The following ERCC6 variants were observed in gnomAD, a reference collection of about 807,000 sequenced individuals.
ERCC6 encodes the protein ERCC excision repair 6, chromatin remodeling factor.
A neutral mutation model predicts 158.7 loss-of-function variants in ERCC6; 116 were observed. That is an observed-to-expected ratio of 0.73 (90% CI 0.63 to 0.85). The LOEUF is 0.85. ERCC6 is among the 40% of genes least tolerant of loss of function. The pLI, the probability that ERCC6 is intolerant of heterozygous loss-of-function variation, is 0.00. For synonymous variants in ERCC6, 678 were observed against 659.3 expected, an observed-to-expected ratio of 1.03 and a Z score of -0.43; for missense variants, 1,698 against 1,799.4, an observed-to-expected ratio of 0.94 and a Z score of 1.02.
intron 8 of ERCC6, among the ~76,000 whole-genome samples, chr10:49,491,772 A>T (rs1421799031): frequency 6.6e-6 from 1 of 152,228 alleles, no homozygotes; most frequent in African/African-American, 2.4e-5. Context: ...ACATTTTTTT[A>T]AATTGCCTTT....
intron 8 of ERCC6, among the ~76,000 whole-genome samples, chr10:49,485,368 A>T (rs1453341225): frequency 6.6e-6 from 1 of 152,226 alleles, no homozygotes; most frequent in Non-Finnish European, 1.5e-5. Context: ...CTCCTACTAA[A>T]ATATAAAAGA....
At chr10:49,488,788 CT>C (rs929530175) in intron 8 of ERCC6, among the ~76,000 whole-genome samples, 10 of 151,668 alleles carry the variant, frequency 6.6e-5, no homozygotes, top group African/African-American at 2.4e-4. Flanking sequence ...GTGTTATTTG[CT>C]TTTTTTCTTT....
At position 49,454,490 on chromosome 10, in the gene ERCC6, C is replaced by T. The variant is rs75139617; in HGVS notation, c.*4325G>A. On this transcript the variant is annotated 3_prime_UTR_variant, in exon 21 of 21. Transcript: ENST00000355832. ...CAAGATTTGGATTTTCTTGAATAAG[C>T]GTTACTTTATTCTACATGCTTTTAG... 0.015 allele frequency among the ~76,000 whole-genome samples: 2,228 copies of T among 152,236 alleles called. 46 individuals carry two copies. Among genetic ancestry groups the T allele is most frequent in the African/African-American group, 0.049 (2,047 of 41,542 alleles).
chr10:49,447,822 T>C, the ERCC6 span, among the ~76,000 whole-genome samples: 131 of 152,350 alleles, frequency 8.6e-4, 2 homozygotes, highest in South Asian at 1.0e-3. Flanking sequence ...ATATAAATGG[T>C]ATCATACAAT....
intron 5 of ERCC6, among the ~76,000 whole-genome samples, chr10:49,512,899 T>G (rs1428097510): frequency 6.6e-6 from 1 of 152,254 alleles, no homozygotes. Flanking sequence ...TTTTGGATTT[T>G]CGGACTAGGG....
intron 12 of ERCC6, 88 bp from the exon 13 acceptor site, chr10:49,474,330 A>C: frequency 9.9e-7 from 1 of 1,011,890 alleles, no homozygotes; most frequent in Non-Finnish European, 1.6e-6. Flanking sequence ...CCTATAACAC[A>C]GACTAAAAAA....
chr10:49,515,822 CAG>C lies in ERCC6; in HGVS notation c.1397+8209_1397+8210del, dbSNP rs866293666. 7 of 1,614,052 alleles carry C rather than the reference CAG, an allele frequency of 4.3e-6. No individual in the cohort carries two copies. In the African/African-American group the frequency reaches 8.0e-5, roughly 18 times the overall value. ...TCTGGGAGTAACGACTGACAAGACACAGGGGATGGATACCAGCACCAGATGAG... is the reference window on the plus strand; with the variant it reads ...TCTGGGAGTAACGACTGACAAGACACGGGATGGATACCAGCACCAGATGAG... On this transcript the variant is annotated intron_variant, in intron 5 of 20. Coordinates refer to ENST00000355832, the MANE Select transcript of ERCC6 (RefSeq NM_000124.4).
At chr10:49,444,197 A>T in the ERCC6 span, among the ~76,000 whole-genome samples, 1 of 152,184 alleles carries the variant, frequency 6.6e-6, no homozygotes, top group East Asian at 1.9e-4. Context: ...CACTTCGACA[A>T]AGAGGCCTTG....
intron 5 of ERCC6, chr10:49,516,222 C>T (rs1379548348): frequency 6.2e-7 from 1 of 1,614,118 alleles, no homozygotes; most frequent in East Asian, 2.2e-5. Context: ...GGCACCACAC[C>T]AAAACTTATA....
Position 49,470,677 on chromosome 10 carries a change from G to C in ERCC6, c.3283C>G (p.Pro1095Ala), listed in dbSNP as rs1311535007. The C allele has an allele frequency of 1.2e-6, 2 of 1,613,838 alleles. No individual in the cohort carries two copies. The highest frequency in any genetic ancestry group is 2.2e-5 in the East Asian group (1 of 44,862). Residue 1095 changes from proline to alanine, a missense_variant, in exon 18 of 21, where the codon CCT (proline) becomes GCT (alanine). By Grantham distance (27) the Pro-to-Ala change is conservative (BLOSUM62 -1). Transcript: ENST00000355832. ...SNRSDPLKDD[P>A]HMSSNVTSND... Reference sequence around the variant, plus strand: ...CTAGTTACATTACTACTCATGTGAGGGTCATCTTTCAAAGGATCACTTCGA... The same window carrying C: ...CTAGTTACATTACTACTCATGTGAGCGTCATCTTTCAAAGGATCACTTCGA...
At chr10:49,497,425 C>G (rs944555877) in intron 7 of ERCC6, among the ~76,000 whole-genome samples, 9 of 152,158 alleles carry the variant, frequency 5.9e-5, no homozygotes, top group African/African-American at 1.4e-4. Context: ...GTATTTTTTT[C>G]TCTTTTATAA....
downstream of ERCC6, among the ~76,000 whole-genome samples, chr10:49,451,059 C>T (rs1012164931): frequency 1.3e-5 from 2 of 152,162 alleles, no homozygotes; most frequent in African/African-American, 4.8e-5. Context: ...GATCCACCTG[C>T]CTCGGCCTCC....
intron 5 of ERCC6, 34 bp downstream of exon 5, chr10:49,523,999 C>T (rs912626177): frequency 6.2e-7 from 1 of 1,610,356 alleles, no homozygotes; most frequent in Non-Finnish European, 8.5e-7. Context: ...ATAAAGCAAA[C>T]AGTACAATGT....
Position 49,457,117 on chromosome 10 carries a change from G to C in ERCC6, c.*1698C>G, listed in dbSNP as rs1035251184. 1 of 152,152 alleles carries C rather than the reference G, an allele frequency of 6.6e-6. No homozygotes were observed. Among genetic ancestry groups the C allele is most frequent in the Non-Finnish European group, 1.5e-5 (1 of 68,034 alleles). The allele number at this position is 152,152 out of a possible 1,614,324, so 9.4% of individuals were successfully genotyped here. A position where few individuals can be genotyped will look rare whatever the true frequency, so the allele number is the denominator to read the frequency against. ...ACAAGGAAGACACAATTTCCTTATA[G>C]GCTAATGATTATAAAAATAGAAATT... On this transcript the variant is annotated 3_prime_UTR_variant, in exon 21 of 21. Transcript: ENST00000355832.
chr10:49,466,590 G>A (rs901524622), intron 18 of ERCC6, among the ~76,000 whole-genome samples: 10 of 152,112 alleles, frequency 6.6e-5, no homozygotes, highest in Non-Finnish European at 1.2e-4. Context: ...GAACATAGCC[G>A]TCACCTGCAA....
chr10:49,466,272 G>C (rs1564727558), intron 18 of ERCC6, among the ~76,000 whole-genome samples: 1 of 152,124 alleles, frequency 6.6e-6, no homozygotes, highest in Non-Finnish European at 1.5e-5. Context: ...AACAAATATT[G>C]AATTCTAGTT....
downstream of ERCC6, among the ~76,000 whole-genome samples, chr10:49,452,990 A>G (rs548271388): frequency 1.1e-4 from 16 of 152,242 alleles, no homozygotes; most frequent in African/African-American, 3.8e-4. Context: ...GATAACATAG[A>G]GTTGGAATGT....
chr10:49,493,233 T>G lies in ERCC6; in HGVS notation c.1705A>C (p.Thr569Pro). The change falls in exon 8 of 21, where the codon ACT (threonine) becomes CCT (proline). Residue 569 changes from threonine to proline, a missense_variant. Thr to Pro is a conservative substitution (Grantham distance 38, BLOSUM62 -1). Transcript: ENST00000355832. ...ACTGTTGTTGGACAGACAATTACAG[T>G]TGGACCCAACCCCTCAAACCTGCAT... ...SNYRFEGLGP[T>P]VIVCPTTVMH... 6.2e-7 allele frequency: 1 copy of G among 1,614,140 alleles called. No individual in the cohort carries two copies. Among genetic ancestry groups the G allele is most frequent in the African/African-American group, 1.3e-5 (1 of 75,032 alleles).
In ERCC6 at chr10:49,482,850, T is replaced by C. The variant is rs768273370; in HGVS notation, c.2006A>G (p.His669Arg). 8 of 1,614,086 alleles carry C rather than the reference T, an allele frequency of 5.0e-6. No individual in the cohort carries two copies. Among genetic ancestry groups the C allele is most frequent in the Non-Finnish European group, 5.9e-6 (7 of 1,179,990 alleles). Reference protein sequence around the residue: ...TLACKQFRTPHRIILSGSPMQ... With the variant: ...TLACKQFRTPRRIILSGSPMQ... ...CGGTGAGCCAGACAGAATGATCCGA[T>C]GAGGGGTGCGAAACTATTTGAGGAA... The change falls in exon 10 of 21, where the codon CAT becomes CGT. Residue 669 changes from histidine (H) to arginine (R), a missense_variant. His to Arg is a conservative substitution (Grantham distance 29, BLOSUM62 0). Transcript: ENST00000355832.
Sources: allele counts gnomAD v4.1 joint callset (sites outside exome capture counted in the v4.1 genomes callset), GRCh38; gene constraint gnomAD v4.1.1; transcripts MANE v1.5; gene names NCBI Gene and HGNC (gene_info 2026-07-23, HGNC 2026-07-21).